The following MPHOSPH8 variants were observed in gnomAD, a reference collection of about 807,000 sequenced individuals.
MPHOSPH8 encodes the protein M-phase phosphoprotein 8.
MPHOSPH8 carries 45 observed loss-of-function variants against 87.3 expected under a neutral mutation model. That is an observed-to-expected ratio of 0.52 (90% CI 0.41 to 0.66). The LOEUF (loss-of-function observed/expected upper bound fraction) is 0.66. Ranked by LOEUF, MPHOSPH8 falls within the 30% of genes least tolerant of loss-of-function variation. The pLI, the probability that MPHOSPH8 is intolerant of heterozygous loss-of-function variation, is 0.00. For missense variants in MPHOSPH8, 883 were observed against 1,020.2 expected (o/e 0.87, Z 1.83); for synonymous variants, 366 against 376.9 (o/e 0.97, Z 0.33).
chr13:19,667,201 TTGTC>T (rs1875868759), intron 10 of MPHOSPH8, among the ~76,000 whole-genome samples: 1 of 152,138 alleles, frequency 6.6e-6, no homozygotes, highest in Non-Finnish European at 1.5e-5. Flanking sequence ...CTTTAAACAT[TTGTC>T]TTTCTTTTTA....
intron 4 of MPHOSPH8, 33 bp from the exon 5 acceptor site, chr13:19,649,970 A>G (rs897923811): frequency 5.4e-6 from 8 of 1,494,966 alleles, no homozygotes; most frequent in Non-Finnish European, 6.3e-6. Flanking sequence ...TTTGTGACTC[A>G]TACTTAACCA....
In MPHOSPH8 at chr13:19,661,689, C is replaced by A; in HGVS notation, c.1792-9C>A. On this transcript the variant is annotated splice_polypyrimidine_tract_variant and intron_variant, in intron 7 of 13. Coordinates refer to ENST00000361479, the MANE Select transcript of MPHOSPH8 (RefSeq NM_017520.4). ...ATTAACACGTTTTTTATTTAACAAA[C>A]CAACACAGGATTCCAGTGGAATGAC... The A allele has an allele frequency of 6.3e-7, 1 of 1,583,224 alleles. No individual in the cohort carries two copies. Among genetic ancestry groups the A allele is most frequent in the Non-Finnish European group, 8.6e-7 (1 of 1,161,224 alleles).
intron 1 of MPHOSPH8, among the ~76,000 whole-genome samples, chr13:19,641,633 C>T (rs1216950692): frequency 6.6e-6 from 1 of 151,836 alleles, no homozygotes; most frequent in Non-Finnish European, 1.5e-5. Context: ...GCTGGGATTA[C>T]AGGCGCCCAC....
chr13:19,663,549 G>T (rs1385564549), intron 9 of MPHOSPH8, among the ~76,000 whole-genome samples: 1 of 152,236 alleles, frequency 6.6e-6, no homozygotes, highest in Non-Finnish European at 1.5e-5. Context: ...CGTGCACTCT[G>T]TGTGTTCGTC....
chr13:19,656,805 A>T (rs1875205969), intron 5 of MPHOSPH8, among the ~76,000 whole-genome samples: 1 of 151,918 alleles, frequency 6.6e-6, no homozygotes, highest in Admixed American at 6.6e-5. Flanking sequence ...GCAACACATT[A>T]AAAGATTTAA....
At position 19,659,019 on chromosome 13, in the gene MPHOSPH8, T is replaced by G. The variant is rs1273304884; in HGVS notation, c.1601T>G (p.Leu534Trp). ...GATGGCAGGCAGCAGATTCTGAGTT[T>G]GGGCATGGACCTGCAGTTGGAATGG... ...NSDGRQQILS[L>W]GMDLQLEWMK... Residue 534 changes from leucine (L) to tryptophan (W), a missense_variant, in exon 6 of 14, where the codon TTG becomes TGG. By Grantham distance (61) the Leu-to-Trp change is moderately conservative (BLOSUM62 -2). This residue lies in a region of MPHOSPH8 where 741 missense variants were observed against 841.5 expected (regional missense o/e 0.88). Transcript: ENST00000361479. 8.7e-6 allele frequency: 14 copies of G among 1,613,886 alleles called. No individual in the cohort carries two copies. Among genetic ancestry groups the G allele is most frequent in the Non-Finnish European group, 1.2e-5 (14 of 1,179,980 alleles).
rs1040175762 is a variant in MPHOSPH8 at position 19,673,167 on chromosome 13, G to A, written c.*1292G>A. 1 of 452,522 alleles carries A rather than the reference G, an allele frequency of 2.2e-6. No individual in the cohort carries two copies. The allele number at this position is 452,522 out of a possible 1,614,324, so 28.0% of individuals were successfully genotyped here. On this transcript the variant is annotated 3_prime_UTR_variant, in exon 14 of 14. Transcript: ENST00000361479. ...CACCGACTGGGAAGATGGGGCTTAG[G>A]TAACAGCCAAACCTGGCTGTCAGCT...
chr13:19,670,838 A>G, intron 12 of MPHOSPH8: 1 of 1,098,340 alleles, frequency 9.1e-7, no homozygotes, highest in Non-Finnish European at 1.2e-6. Context: ...TTTTTTTTGA[A>G]GACAGGGTCT....
chr13:19,656,277 CAAA>C (rs71198922), intron 5 of MPHOSPH8, among the ~76,000 whole-genome samples: 2 of 72,258 alleles, frequency 2.8e-5, no homozygotes, highest in Non-Finnish European at 4.7e-5. Context: ...AGACTGTTGT[CAAA>C]AAAAAAAAAA....
At chr13:19,634,616 GGT>G (rs1397530165) in intron 1 of MPHOSPH8, among the ~76,000 whole-genome samples, 3 of 152,130 alleles carry the variant, frequency 2.0e-5, no homozygotes, top group African/African-American at 7.2e-5. Flanking sequence ...AAGGCCTCGG[GGT>G]GTAGCTCTCT....
At chr13:19,665,372 A>G (rs1394181852) in intron 9 of MPHOSPH8, among the ~76,000 whole-genome samples, 1 of 152,218 alleles carries the variant, frequency 6.6e-6, no homozygotes, top group Admixed American at 6.5e-5. Context: ...AGTGTGTAAC[A>G]TTGGTCCTTA....
chr13:19,657,165 A>G (rs1875235862), intron 5 of MPHOSPH8, among the ~76,000 whole-genome samples: 1 of 149,346 alleles, frequency 6.7e-6, no homozygotes, highest in Non-Finnish European at 1.5e-5. Flanking sequence ...GAAAATTTTA[A>G]AGATTTCTTG....
intron 2 of MPHOSPH8, 36 bp from the exon 3 acceptor site, chr13:19,646,407 G>C: frequency 7.4e-7 from 1 of 1,357,140 alleles, no homozygotes; most frequent in Non-Finnish European, 9.6e-7. Flanking sequence ...AAATCAATAT[G>C]TTAATGAATA....
At chr13:19,636,885 G>A (rs568899833) in intron 1 of MPHOSPH8, among the ~76,000 whole-genome samples, 5 of 152,252 alleles carry the variant, frequency 3.3e-5, no homozygotes, top group African/African-American at 1.2e-4. Context: ...GGAAACTTTG[G>A]CTACCAAGAA....
At chr13:19,661,879 T>C in intron 8 of MPHOSPH8, 41 bp downstream of exon 8, 1 of 1,561,866 alleles carries the variant, frequency 6.4e-7, no homozygotes, top group Non-Finnish European at 8.7e-7. Flanking sequence ...GCTTTCATGG[T>C]ATTCCTGCCG....
intron 1 of MPHOSPH8, among the ~76,000 whole-genome samples, chr13:19,638,099 TC>T (rs749627041): frequency 6.0e-4 from 82 of 135,700 alleles, no homozygotes; most frequent in African/African-American, 1.3e-3. Context: ...AGACTCCATC[TC>T]AAAAAAAAAA....
chr13:19,672,108 T>TA lies in MPHOSPH8; in HGVS notation c.*234dup. ...TATTTCAGTTTTTCCACAATGTGGATAGTACATATGAGGATTATTTAAGAA... is the reference window on the plus strand; with the variant it reads ...TATTTCAGTTTTTCCACAATGTGGATAAGTACATATGAGGATTATTTAAGAA... On this transcript the variant is annotated 3_prime_UTR_variant, in exon 14 of 14. Transcript: ENST00000361479. The TA allele has an allele frequency of 1.8e-6, 1 of 551,138 alleles. No homozygotes were observed. The highest frequency in any genetic ancestry group is 2.6e-5 in the South Asian group (1 of 39,096). The allele number at this position is 551,138 out of a possible 1,614,324, so 34.1% of individuals were successfully genotyped here.
chr13:19,641,243 C>T lies in MPHOSPH8; in HGVS notation c.214-872C>T, dbSNP rs536728893. On this transcript the variant is annotated intron_variant, in intron 1 of 13. Transcript: ENST00000361479. ...TATCTTGGCTCACTGCAACCTCTGC[C>T]TCCTGGGCTTAAGTAATCCTCCCAC... 2.0e-3 allele frequency among the ~76,000 whole-genome samples: 298 copies of T among 152,190 alleles called. 1 individual carries two copies. The highest frequency in any genetic ancestry group is 6.9e-3 in the African/African-American group (288 of 41,502).
intron 4 of MPHOSPH8, among the ~76,000 whole-genome samples, chr13:19,649,058 G>A (rs905034599): frequency 2.0e-5 from 3 of 152,192 alleles, no homozygotes; most frequent in African/African-American, 7.2e-5. Context: ...TGTAACTGAA[G>A]TAATATTAAA....
Sources: allele counts gnomAD v4.1 joint callset (sites outside exome capture counted in the v4.1 genomes callset), GRCh38; gene constraint gnomAD v4.1.1; regional missense constraint gnomAD v4.1.1; transcripts MANE v1.5; gene names NCBI Gene and HGNC (gene_info 2026-07-23, HGNC 2026-07-21).